ZNF318: variants seen among roughly 807,000 people sequenced by gnomAD.
ZNF318 encodes zinc finger protein 318.
ZNF318 carries 51 observed loss-of-function variants against 124.2 expected under a neutral mutation model. The observed-to-expected ratio is 0.41, with a 90% CI of 0.33 to 0.52. The LOEUF (loss-of-function observed/expected upper bound fraction) is 0.52. ZNF318 is among the 20% of genes least tolerant of loss of function. The pLI is 0.23. For synonymous variants in ZNF318, 1,090 were observed against 1,040.7 expected (o/e 1.05, Z -0.91); for missense variants, 2,815 against 2,811.2 (o/e 1.00, Z -0.03).
intron 2 of ZNF318, among the ~76,000 whole-genome samples, chr6:43,362,012 C>G (rs1168190572): frequency 6.6e-6 from 1 of 151,864 alleles, no homozygotes; most frequent in African/African-American, 2.4e-5. Context: ...GAAAAATTAG[C>G]TGGGCGTCGG....
intron 1 of ZNF318, among the ~76,000 whole-genome samples, chr6:43,367,464 T>C (rs1213722361): frequency 5.3e-5 from 8 of 152,148 alleles, no homozygotes; most frequent in Non-Finnish European, 7.4e-5. Context: ...CAACAATCCA[T>C]GCAAGAGGTA....
At chr6:43,343,595 G>A (rs931133405) in intron 6 of ZNF318, among the ~76,000 whole-genome samples, 5 of 152,108 alleles carry the variant, frequency 3.3e-5, no homozygotes, top group Admixed American at 3.3e-4. Flanking sequence ...TTGGGAGGTC[G>A]AGGTGGGCAG....
chr6:43,345,849 G>C (rs1323728337), intron 6 of ZNF318, among the ~76,000 whole-genome samples: 1 of 152,140 alleles, frequency 6.6e-6, no homozygotes, highest in African/African-American at 2.4e-5. Flanking sequence ...GCTCACATCT[G>C]TAATACTAGC....
At chr6:43,344,696 T>C (rs1198730644) in intron 6 of ZNF318, among the ~76,000 whole-genome samples, 1 of 152,214 alleles carries the variant, frequency 6.6e-6, no homozygotes, top group Non-Finnish European at 1.5e-5. Flanking sequence ...AATGAGAATA[T>C]GAACCTTGTC....
chr6:43,357,776 A>G lies in ZNF318; in HGVS notation c.549-11T>C. 11 of 1,574,412 alleles carry G rather than the reference A, an allele frequency of 7.0e-6. No homozygotes were observed. Among genetic ancestry groups the G allele is most frequent in the Non-Finnish European group, 9.4e-6 (11 of 1,170,066 alleles). On this transcript the variant is annotated splice_polypyrimidine_tract_variant and intron_variant, in intron 2 of 9. Coordinates refer to ENST00000361428, the MANE Select transcript of ZNF318 (RefSeq NM_014345.3). ...TCAGTCAGGTCATCCCTGAGGAAAA[A>G]GAGAAGCATCATTGAACAAATGGAC...
At chr6:43,359,440 G>A (rs1468795364) in intron 2 of ZNF318, among the ~76,000 whole-genome samples, 1 of 152,108 alleles carries the variant, frequency 6.6e-6, no homozygotes, top group East Asian at 1.9e-4. Flanking sequence ...TTAAATCACA[G>A]ATAGAAATAA....
In ZNF318 at chr6:43,340,458, C is replaced by T; in HGVS notation, c.3540G>A (p.Leu1180=). 1 of 1,612,424 alleles carries T rather than the reference C, an allele frequency of 6.2e-7. No homozygotes were observed. Among genetic ancestry groups the T allele is most frequent in the East Asian group, 2.2e-5 (1 of 44,862 alleles). The change falls in exon 10 of 10, where the codon CTG becomes CTA. Residue 1180 remains leucine (L), a synonymous_variant. Transcript: ENST00000361428. ...CCACAGCCAAGCCAGCTTGGCGGTC[C>T]AGATTCCGCCGCTCCTCATATAATG... is the stretch of plus-strand genomic sequence containing the variant. The part of the protein sequence containing the change: ...ENPLYEERRN[L]DRQAGLAVVL...
At chr6:43,340,646 T>C in intron 9 of ZNF318, 144 bp from the exon 10 acceptor site, 1 of 1,508,906 alleles carries the variant, frequency 6.6e-7, no homozygotes, top group Non-Finnish European at 8.9e-7. Flanking sequence ...CTGCTGAGCA[T>C]CTCCCACTAG....
Position 43,338,734 on chromosome 6 carries a change from A to G in ZNF318, c.5264T>C (p.Val1755Ala). 1 of 1,614,176 alleles carries G rather than the reference A, an allele frequency of 6.2e-7. No individual in the cohort carries two copies. Among genetic ancestry groups the G allele is most frequent in the East Asian group, 2.2e-5 (1 of 44,882 alleles). ...CTCTTGGCTTTCCTTATCCTGGTTA[A>G]CAGATTCTCTGAGGTGGATTTCTAC... The part of the protein sequence containing the change: ...KLVEIHLRES[V>A]NQDKESQELR... Residue 1755 changes from valine (V) to alanine (A), a missense_variant, in exon 10 of 10, where the codon GTT becomes GCT. By Grantham distance (64) the Val-to-Ala change is moderately conservative. Transcript: ENST00000361428.
Position 43,337,886 on chromosome 6 carries a change from C to T in ZNF318, c.6112G>A (p.Val2038Ile). The change falls in exon 10 of 10, where the codon GTC becomes ATC. Residue 2038 changes from valine to isoleucine, a missense_variant. Coordinates refer to ENST00000361428, the MANE Select transcript of ZNF318 (RefSeq NM_014345.3). Reference protein sequence around the residue: ...RVSPAHRSPTVLCQKVCEENS... With the variant: ...RVSPAHRSPTILCQKVCEENS... The stretch of plus-strand genomic sequence containing the variant: ...TCTTCACACACTTTCTGACACAAGA[C>T]AGTTGGGGATCTATGTGCTGGGCTT... The T allele has an allele frequency of 1.9e-6, 3 of 1,614,196 alleles. No homozygotes were observed. In the South Asian group the frequency reaches 3.3e-5, roughly 18 times the overall value.
chr6:43,364,854 C>T (rs2150758013), intron 2 of ZNF318, among the ~76,000 whole-genome samples: 1 of 152,314 alleles, frequency 6.6e-6, no homozygotes, highest in Non-Finnish European at 1.5e-5. Flanking sequence ...CATGAACTTA[C>T]CTAACCCTTT....
chr6:43,336,977 A>C lies in ZNF318; in HGVS notation c.*181T>G. Reference sequence around the variant, plus strand: ...TTGTTATCGATTTGTCTGGTGTTTTAAGGGGAAAGGGAAAAGGAAAGGAGG... The same window carrying C: ...TTGTTATCGATTTGTCTGGTGTTTTCAGGGGAAAGGGAAAAGGAAAGGAGG... On this transcript the variant is annotated 3_prime_UTR_variant, in exon 10 of 10. Coordinates refer to ENST00000361428, the MANE Select transcript of ZNF318 (RefSeq NM_014345.3). 1 of 432,240 alleles carries C rather than the reference A, an allele frequency of 2.3e-6. No homozygotes were observed. Among genetic ancestry groups the C allele is most frequent in the Non-Finnish European group, 4.0e-6 (1 of 248,198 alleles). 26.8% of individuals were successfully genotyped at this position (432,240 alleles called of 1,614,324 possible). A position where few individuals can be genotyped will look rare whatever the true frequency, so the allele number is the denominator to read the frequency against.
chr6:43,369,352 C>A lies in ZNF318; in HGVS notation c.14G>T (p.Ser5Ile). Residue 5 changes from serine to isoleucine, a missense_variant, in exon 1 of 10, where the codon AGC (serine) becomes ATC (isoleucine). Around this residue, in one of 4 missense-constraint regions of ZNF318, gnomAD observed 1,377 missense variants for 1,353.5 expected, o/e 1.02. Coordinates refer to ENST00000361428, the MANE Select transcript of ZNF318 (RefSeq NM_014345.3). MYRS[S>I]ARSSVSSHRP... ...GTGGGAAGAGACGGAGGAGCGAGCG[C>A]TGCTGCGGTACATGGTTCTTGCAGC... 7.5e-7 allele frequency: 1 copy of A among 1,326,504 alleles called. No individual in the cohort carries two copies. Among genetic ancestry groups the A allele is most frequent in the Non-Finnish European group, 9.7e-7 (1 of 1,031,280 alleles). 82.2% of individuals were successfully genotyped at this position (1,326,504 alleles called of 1,614,324 possible).
chr6:43,355,816 A>C lies in ZNF318; in HGVS notation c.1518T>G (p.Gly506=), dbSNP rs1427372263. 1 of 1,614,168 alleles carries C rather than the reference A, an allele frequency of 6.2e-7. No individual in the cohort carries two copies. Among genetic ancestry groups the C allele is most frequent in the Admixed American group, 1.7e-5 (1 of 60,022 alleles). The change falls in exon 4 of 10, where the codon GGT becomes GGG. Residue 506 remains glycine, a synonymous_variant. Transcript: ENST00000361428. ...CCAACATGCTCAGAATGCGGGAAAAACCACTGCCATCCTGGCTAGCTCTCT... is the reference window on the plus strand; with the variant it reads ...CCAACATGCTCAGAATGCGGGAAAACCCACTGCCATCCTGGCTAGCTCTCT... The part of the protein sequence containing the change: ...PHERASQDGS[G]FSRILSMLAD...
Position 43,339,013 on chromosome 6 carries a change from A to T in ZNF318, c.4985T>A (p.Val1662Glu). Residue 1662 changes from valine (V) to glutamate (E), a missense_variant, in exon 10 of 10, where the codon GTA (valine) becomes GAA (glutamate). By Grantham distance (121) the Val-to-Glu change is moderately radical (BLOSUM62 -2). This residue lies in a region of ZNF318 where 927 missense variants were observed against 820.6 expected (regional missense o/e 1.13). Coordinates refer to ENST00000361428, the MANE Select transcript of ZNF318 (RefSeq NM_014345.3). The surrounding 1 kb of genome is among the most constrained non-coding windows in gnomAD (Gnocchi z 4.2). Reference protein sequence around the residue: ...ALGKWSVVEHVGPKSTGSTYG... With the variant: ...ALGKWSVVEHEGPKSTGSTYG... The stretch of plus-strand genomic sequence containing the variant: ...GGTGCTGCCTGTGCTTTTTGGGCCT[A>T]CATGTTCTACAACTGACCATTTCCC... 1 of 1,614,230 alleles carries T rather than the reference A, an allele frequency of 6.2e-7. No individual in the cohort carries two copies. Among genetic ancestry groups the T allele is most frequent in the Non-Finnish European group, 8.5e-7 (1 of 1,180,034 alleles).
intron 3 of ZNF318, among the ~76,000 whole-genome samples, chr6:43,356,765 T>C (rs527291331): frequency 1.3e-5 from 2 of 152,180 alleles, no homozygotes; most frequent in Non-Finnish European, 2.9e-5. Flanking sequence ...CATCTTGTCT[T>C]CTCTCTAAAG....
rs753953587 is a variant in ZNF318, at chr6:43,355,346, C to T, written c.1988G>A (p.Cys663Tyr). The change falls in exon 4 of 10, where the codon TGC becomes TAC. Residue 663 changes from cysteine to tyrosine, a missense_variant. Physicochemically the swap from Cys to Tyr is radical, Grantham distance 194. Around this residue, in one of 4 missense-constraint regions of ZNF318, gnomAD observed 1,377 missense variants for 1,353.5 expected, o/e 1.02. Coordinates refer to ENST00000361428, the MANE Select transcript of ZNF318 (RefSeq NM_014345.3). ...TGAGGAACGTCGATCAGCTGAGAAG[C>T]AGTGGTCAACTGAGGAACAGCGGTC... ...SADRCSSVDHCFSADRRSSDP... is the reference protein window; with the variant it reads ...SADRCSSVDHYFSADRRSSDP... 3.1e-6 allele frequency: 5 copies of T among 1,614,026 alleles called. No homozygotes were observed. Among genetic ancestry groups the T allele is most frequent in the African/African-American group, 2.7e-5 (2 of 74,896 alleles).
At position 43,355,736 on chromosome 6, in the gene ZNF318, T is replaced by C; in HGVS notation, c.1598A>G (p.Asp533Gly). 6.2e-7 allele frequency: 1 copy of C among 1,614,196 alleles called. No homozygotes were observed. Among genetic ancestry groups the C allele is most frequent in the Non-Finnish European group, 8.5e-7 (1 of 1,180,028 alleles). Residue 533 changes from aspartate to glycine, a missense_variant, in exon 4 of 10, where the codon GAT becomes GGT. Transcript: ENST00000361428. Reference sequence around the variant, plus strand: ...ATCCCCATAGAGAAATTTCTCCTCATCTTCAATGTCGGGAAAGCTACGTCG... The same window carrying C: ...ATCCCCATAGAGAAATTTCTCCTCACCTTCAATGTCGGGAAAGCTACGTCG... Reference protein sequence around the residue: ...KRRRSFPDIEDEEKFLYGDEE... With the variant: ...KRRRSFPDIEGEEKFLYGDEE...
chr6:43,365,156 T>G, intron 2 of ZNF318, 136 bp downstream of exon 2: 1 of 879,008 alleles, frequency 1.1e-6, no homozygotes, highest in Non-Finnish European at 1.7e-6. Context: ...TCCCAGCGTT[T>G]TATTTTGTAC....
Sources: gnomAD v4.1 joint callset for allele counts (sites outside exome capture counted in the v4.1 genomes callset) on GRCh38, gnomAD v4.1.1 for gene constraint, gnomAD v4.1.1 regional missense constraint, Gnocchi (gnomAD v3.1) non-coding constraint, MANE v1.5 for transcripts, NCBI Gene and HGNC (gene_info 2026-07-23, HGNC 2026-07-21) for gene names.